SLAMF1: variants seen among roughly 807,000 people sequenced by gnomAD.
SLAMF1 encodes the protein signaling lymphocytic activation molecule.
In SLAMF1, 18 loss-of-function variants were observed where a neutral mutation model predicts 35.1. The observed-to-expected ratio is 0.51, with a 90% CI of 0.35 to 0.76. The LOEUF is 0.76. Ranked by LOEUF, SLAMF1 falls within the 30% of genes least tolerant of loss-of-function variation. The pLI is 0.01. For missense variants in SLAMF1, 392 were observed against 413.0 expected (o/e 0.95, Z 0.44); for synonymous variants, 168 against 157.2 (o/e 1.07, Z -0.51).
chr1:160,620,968 C>CT (rs1419237075), intron 4 of SLAMF1, among the ~76,000 whole-genome samples: 2 of 152,164 alleles, frequency 1.3e-5, no homozygotes, highest in South Asian at 2.1e-4. Flanking sequence ...CTTATATAGA[C>CT]TTTTTTCCAC....
chr1:160,619,007 C>T (rs893029887), intron 5 of SLAMF1, among the ~76,000 whole-genome samples: 1 of 152,158 alleles, frequency 6.6e-6, no homozygotes, highest in Non-Finnish European at 1.5e-5. Context: ...AGTGCATTTG[C>T]TGTCTTTTCA....
intron 5 of SLAMF1, among the ~76,000 whole-genome samples, chr1:160,617,525 A>T (rs192383294): frequency 1.0e-3 from 156 of 152,286 alleles, no homozygotes; most frequent in Non-Finnish European, 1.9e-3. Flanking sequence ...ATTCAAAGAC[A>T]TATATGAATC....
chr1:160,637,884 T>C (rs926812133), intron 1 of SLAMF1, among the ~76,000 whole-genome samples: 3 of 152,180 alleles, frequency 2.0e-5, no homozygotes, highest in African/African-American at 7.2e-5. Context: ...TCAGTTCTGC[T>C]AATTCCTCTA....
At chr1:160,636,550 T>G (rs1660463715) in intron 2 of SLAMF1, among the ~76,000 whole-genome samples, 1 of 152,244 alleles carries the variant, frequency 6.6e-6, no homozygotes, top group South Asian at 2.1e-4. Flanking sequence ...AAAAAAGCAC[T>G]GGCCTTGGAT....
chr1:160,635,367 A>G (rs764649493), intron 2 of SLAMF1, among the ~76,000 whole-genome samples: 7 of 152,104 alleles, frequency 4.6e-5, no homozygotes, highest in Admixed American at 1.3e-4. Flanking sequence ...GCGCATGTAC[A>G]CGGGCGCATG....
rs578020808 is a variant in SLAMF1 at position 160,635,342 on chromosome 1, T to TGTGC, written c.416-449_416-446dup. ...GTGGGAGGGTGTGTGTGTGTATGTG[T>TGTGC]GTGCGTGCGCGCGCGCGCATGTACA... On this transcript the variant is annotated intron_variant, in intron 2 of 6. Coordinates refer to ENST00000302035, the MANE Select transcript of SLAMF1 (RefSeq NM_003037.5). Among the ~76,000 whole-genome samples the TGTGC allele has an allele frequency of 2.4e-4, 36 of 152,262 alleles. No individual in the cohort carries two copies. The East Asian group carries it at 4.1e-3, about 17-fold the overall frequency.
intron 6 of SLAMF1, among the ~76,000 whole-genome samples, chr1:160,611,277 C>A (rs945969358): frequency 6.6e-6 from 1 of 152,106 alleles, no homozygotes; most frequent in East Asian, 1.9e-4. Context: ...GTCAAAGAAA[C>A]AAAGAAAATA....
chr1:160,615,864 C>T (rs1659273644), intron 5 of SLAMF1: 2 of 184,062 alleles, frequency 1.1e-5, no homozygotes, highest in Admixed American at 1.2e-4. Flanking sequence ...CAACAAATGC[C>T]ACGGAGAGCC....
At chr1:160,620,407 T>G (rs1039147949) in intron 4 of SLAMF1, among the ~76,000 whole-genome samples, 1 of 152,184 alleles carries the variant, frequency 6.6e-6, no homozygotes, top group African/African-American at 2.4e-5. Flanking sequence ...CTGGGACTAT[T>G]TAGAAAATAA....
In SLAMF1 at chr1:160,640,359, T is replaced by TATATATATACAC. The variant is rs1361053277; in HGVS notation, c.77-2831_77-2830insGTGTATATATAT. On this transcript the variant is annotated intron_variant, in intron 1 of 6. Transcript: ENST00000302035. ...ATATATATATATATATATATATATATACACACACACACACACATATATATA... is the reference window on the plus strand; with the variant it reads ...ATATATATATATATATATATATATATATATATATACACACACACACACACACACATATATATA... 7.5e-4 allele frequency among the ~76,000 whole-genome samples: 92 copies of TATATATATACAC among 122,424 alleles called. 2 individuals are homozygous for TATATATATACAC. Among genetic ancestry groups the TATATATATACAC allele is most frequent in the African/African-American group, 2.8e-3 (84 of 30,316 alleles). 80.3% of individuals were successfully genotyped at this position (122,424 alleles called of 152,430 possible). A position where few individuals can be genotyped will look rare whatever the true frequency, so the allele number is the denominator to read the frequency against.
At chr1:160,622,170 T>C (rs1225168316) in intron 4 of SLAMF1, among the ~76,000 whole-genome samples, 2 of 152,080 alleles carry the variant, frequency 1.3e-5, no homozygotes, top group African/African-American at 4.8e-5. Context: ...ACCAAGATAA[T>C]TTAGTCTCAG....
chr1:160,634,855 T>C lies in SLAMF1; in HGVS notation c.458A>G (p.Gln153Arg), dbSNP rs1376341604. The change falls in exon 3 of 7, where the codon CAG becomes CGG. Residue 153 changes from glutamine (Q) to arginine (R), a missense_variant. Transcript: ENST00000302035. The part of the protein sequence containing the change: ...TPEIKVLNKT[Q>R]ENGTCTLILG... ...TATCAAGGTGCAGGTCCCGTTCTCC[T>C]GGGTCTTGTTTAAAACTTTAATTTC... 1 of 1,613,914 alleles carries C rather than the reference T, an allele frequency of 6.2e-7. No homozygotes were observed. The highest frequency in any genetic ancestry group is 8.5e-7 in the Non-Finnish European group (1 of 1,179,948).
At chr1:160,644,940 T>C (rs1251921183) in intron 1 of SLAMF1, among the ~76,000 whole-genome samples, 1 of 152,122 alleles carries the variant, frequency 6.6e-6, no homozygotes, top group Non-Finnish European at 1.5e-5. Flanking sequence ...GGTCATCAAT[T>C]ATAACAAATG....
rs191255295 is a variant in SLAMF1, at chr1:160,624,241, A to T, written c.701-56T>A. 6.0e-4 allele frequency: 737 copies of T among 1,220,146 alleles called. 3 individuals are homozygous for T. Among genetic ancestry groups the T allele is most frequent in the Middle Eastern group, 5.1e-3 (27 of 5,296 alleles). The allele number at this position is 1,220,146 out of a possible 1,614,324, so 75.6% of individuals were successfully genotyped here. ...TCAAAAGTATTCTGAGCTTAAAAAC[A>T]TCTTACATGAAAGTGGGATAATGGA... On this transcript the variant is annotated intron_variant, in intron 3 of 6. Transcript: ENST00000302035.
Position 160,610,102 on chromosome 1 carries a change from C to A in SLAMF1, c.*646G>T. 5.9e-6 allele frequency: 2 copies of A among 336,204 alleles called. No homozygotes were observed. 20.8% of individuals were successfully genotyped at this position (336,204 alleles called of 1,614,324 possible). On this transcript the variant is annotated 3_prime_UTR_variant, in exon 7 of 7. Coordinates refer to ENST00000302035, the MANE Select transcript of SLAMF1 (RefSeq NM_003037.5). ...TCCACTGTTCAAAACTCAGAGATCT[C>A]AAAATCATTCTTTCTGTTTATTGAC... is the stretch of plus-strand genomic sequence containing the variant.
chr1:160,632,708 G>C (rs985037209), intron 3 of SLAMF1, among the ~76,000 whole-genome samples: 2 of 152,178 alleles, frequency 1.3e-5, no homozygotes, highest in Non-Finnish European at 2.9e-5. Context: ...TATACCCAGA[G>C]AGGGCTGTGC....
intron 6 of SLAMF1, 25 bp downstream of exon 6, chr1:160,612,463 G>A (rs185079249): frequency 1.3e-6 from 2 of 1,482,564 alleles, no homozygotes; most frequent in African/African-American, 2.8e-5. Flanking sequence ...CCTCTCTACG[G>A]AGAGTAGGCA....
chr1:160,614,289 C>A (rs1472539374), intron 5 of SLAMF1, among the ~76,000 whole-genome samples: 40 of 152,078 alleles, frequency 2.6e-4, no homozygotes, highest in Admixed American at 2.6e-3. Flanking sequence ...TATTAAGAGA[C>A]CTTTGGCCGG....
rs1570954665 is a variant in SLAMF1 at position 160,608,630 on chromosome 1, C to T, written c.*2118G>A. 2.0e-5 allele frequency: 3 copies of T among 152,346 alleles called. No homozygotes were observed. The highest frequency in any genetic ancestry group is 4.8e-5 in the African/African-American group (2 of 41,562). The allele number at this position is 152,346 out of a possible 1,614,324, so 9.4% of individuals were successfully genotyped here. On this transcript the variant is annotated 3_prime_UTR_variant, in exon 7 of 7. Coordinates refer to ENST00000302035, the MANE Select transcript of SLAMF1 (RefSeq NM_003037.5). Reference sequence around the variant, plus strand: ...GGATACTTGGAAGTGATAGCCTCTTCTTCACCCTTTGTTTCTGCCCTTCCT... The same window carrying T: ...GGATACTTGGAAGTGATAGCCTCTTTTTCACCCTTTGTTTCTGCCCTTCCT...
Sources: allele counts gnomAD v4.1 joint callset (sites outside exome capture counted in the v4.1 genomes callset), GRCh38; gene constraint gnomAD v4.1.1; transcripts MANE v1.5; gene names NCBI Gene and HGNC (gene_info 2026-07-23, HGNC 2026-07-21).